AKAP9: variants seen among roughly 807,000 people sequenced by gnomAD.
The protein encoded by AKAP9 is A-kinase anchor protein 9.
Under a neutral mutation model 488.5 loss-of-function variants are expected in AKAP9, and 311 were observed. The ratio of observed to expected loss-of-function variants is 0.64; its 90% CI spans 0.58 to 0.70. The LOEUF (loss-of-function observed/expected upper bound fraction) is 0.70. Among genes scored for constraint, AKAP9 ranks in the 30% least tolerant of loss-of-function variants. AKAP9 has a pLI of 0.00. For synonymous variants in AKAP9, 1,462 were observed against 1,483.5 expected, an observed-to-expected ratio of 0.99 and a Z score of 0.33; for missense variants, 4,215 against 4,374.5, an observed-to-expected ratio of 0.96 and a Z score of 1.03.
chr7:91,941,237 C>T lies in AKAP9; in HGVS notation c.48+90C>T, dbSNP rs1790711673. 5 of 1,279,548 alleles carry T rather than the reference C, an allele frequency of 3.9e-6. No individual in the cohort carries two copies. In the South Asian group the frequency reaches 6.0e-5, roughly 15 times the overall value. The allele number at this position is 1,279,548 out of a possible 1,614,324, so 79.3% of individuals were successfully genotyped here. A position where few individuals can be genotyped will look rare whatever the true frequency, so the allele number is the denominator to read the frequency against. ...GCCTGGGAAGCGGAGTTCGCCGCAG[C>T]CCCAGTGCACTGCCCGAGAGGGAGG... On this transcript the variant is annotated intron_variant, in intron 1 of 49. Coordinates refer to ENST00000356239, the MANE Select transcript of AKAP9 (RefSeq NM_005751.5).
intron 39 of AKAP9, 122 bp from the exon 40 acceptor site, chr7:92,094,901 A>G: frequency 1.3e-6 from 1 of 769,422 alleles, no homozygotes; most frequent in Non-Finnish European, 2.2e-6. Context: ...TTAATAGTTT[A>G]TATTTTCCTC....
intron 9 of AKAP9, 115 bp downstream of exon 9, chr7:92,012,757 C>CAGTT (rs1800924928): frequency 1.2e-6 from 1 of 846,598 alleles, no homozygotes; most frequent in Non-Finnish European, 1.9e-6. Context: ...ATTTGTTTAC[C>CAGTT]AGTTGTTGAT....
rs1355979670 is a variant in AKAP9, at chr7:91,992,158, G to T, written c.352G>T (p.Val118Leu). 6.2e-7 allele frequency: 1 copy of T among 1,606,972 alleles called. No individual in the cohort carries two copies. Among genetic ancestry groups the T allele is most frequent in the South Asian group, 1.1e-5 (1 of 90,916 alleles). ...STTADDCSSE[V>L]NGCSFVMRTG... ...ATATCAGGAAATTGTTTTTATACAG[G>T]TAAATGGTTGCAGTTTTGTGATGAG... Residue 118 changes from valine to leucine, a missense_variant and splice_region_variant, in exon 4 of 50, where the codon GTA becomes TTA. Around this residue, in one of 5 missense-constraint regions of AKAP9, gnomAD observed 2,361 missense variants for 2,430.0 expected, o/e 0.97. Coordinates refer to ENST00000356239, the MANE Select transcript of AKAP9 (RefSeq NM_005751.5).
chr7:92,068,056 G>C (rs371812306), intron 26 of AKAP9, among the ~76,000 whole-genome samples: 2 of 151,972 alleles, frequency 1.3e-5, no homozygotes, highest in Non-Finnish European at 2.9e-5. Flanking sequence ...TACTAGAGTA[G>C]TACAAAAGTT....
chr7:92,057,835 CTTAATTATGCTAGT>C, intron 22 of AKAP9: 2 of 225,716 alleles, frequency 8.9e-6, no homozygotes, highest in Non-Finnish European at 1.8e-5. Flanking sequence ...TCTTCAAGGA[CTTAATTATGCTAGT>C]TTAAAAGGTG....
rs763247535 is a variant in AKAP9, at chr7:92,001,281, A to G, written c.1364A>G (p.Gln455Arg). 6.2e-7 allele frequency: 1 copy of G among 1,614,002 alleles called. No homozygotes were observed. Among genetic ancestry groups the G allele is most frequent in the Admixed American group, 1.7e-5 (1 of 60,010 alleles). The change falls in exon 8 of 50, where the codon CAA becomes CGA. Residue 455 changes from glutamine to arginine, a missense_variant. Around this residue, in one of 5 missense-constraint regions of AKAP9, gnomAD observed 2,361 missense variants for 2,430.0 expected, o/e 0.97. Coordinates refer to ENST00000356239, the MANE Select transcript of AKAP9 (RefSeq NM_005751.5). ...IVQMKQELIR[Q>R]HMAQMEEMKT... ...CAAATGAAACAAGAATTAATAAGAC[A>G]ACACATGGCACAGATGGAGGAAATG...
chr7:92,038,424 T>G lies in AKAP9; in HGVS notation c.4344T>G (p.Ile1448Met). 1 of 1,609,612 alleles carries G rather than the reference T, an allele frequency of 6.2e-7. No individual in the cohort carries two copies. The highest frequency in any genetic ancestry group is 8.5e-7 in the Non-Finnish European group (1 of 1,176,080). The change falls in exon 17 of 50, where the codon ATT becomes ATG. Residue 1448 changes from isoleucine to methionine, a missense_variant. Around this residue, in one of 5 missense-constraint regions of AKAP9, gnomAD observed 2,361 missense variants for 2,430.0 expected, o/e 0.97. Coordinates refer to ENST00000356239, the MANE Select transcript of AKAP9 (RefSeq NM_005751.5). ...EQLEEEVAKV[I>M]VSMSIAFAQQ... ...GTTTGCTTTTATTTCTTTAGGTTAT[T>G]GTGTCAATGAGTATAGCATTTGCTC...
chr7:92,072,496 T>C (rs1020240353), intron 28 of AKAP9, among the ~76,000 whole-genome samples: 1 of 152,196 alleles, frequency 6.6e-6, no homozygotes, highest in Non-Finnish European at 1.5e-5. Context: ...ACTAGGCAAA[T>C]GCTTTCAGAT....
intron 12 of AKAP9, 100 bp downstream of exon 12, chr7:92,017,202 A>AC: frequency 1.1e-6 from 1 of 921,834 alleles, no homozygotes; most frequent in Non-Finnish European, 1.7e-6. Flanking sequence ...AAGTAAGAGA[A>AC]CATGAAAAAG....
intron 46 of AKAP9, among the ~76,000 whole-genome samples, chr7:92,103,777 G>T (rs994139629): frequency 5.9e-5 from 9 of 151,986 alleles, no homozygotes; most frequent in African/African-American, 2.2e-4. Flanking sequence ...TTAAAAATGT[G>T]GTTGACAAAT....
At position 92,043,324 on chromosome 7, in the gene AKAP9, T is replaced by C. The variant is rs898751862; in HGVS notation, c.5162+553T>C. ...GGCCCCTAAGATTTTGGCTTCCCCA[T>C]TGGATCATCAGTATGGAACGCAGTC... On this transcript the variant is annotated intron_variant, in intron 20 of 49. Transcript: ENST00000356239. 5.1e-6 allele frequency: 5 copies of C among 985,010 alleles called. No homozygotes were observed. The African/African-American group carries it at 8.7e-5, about 17-fold the overall frequency. 61.0% of individuals were successfully genotyped at this position (985,010 alleles called of 1,614,324 possible).
At chr7:91,964,712 C>T (rs955222045) in intron 1 of AKAP9, among the ~76,000 whole-genome samples, 1 of 152,130 alleles carries the variant, frequency 6.6e-6, no homozygotes, top group Non-Finnish European at 1.5e-5. Flanking sequence ...GTTTGATACT[C>T]ATATATCTTT....
intron 9 of AKAP9, among the ~76,000 whole-genome samples, chr7:92,013,286 C>T (rs895251249): frequency 2.6e-5 from 4 of 151,776 alleles, no homozygotes; most frequent in South Asian, 2.1e-4. Flanking sequence ...CCACCGCGCC[C>T]GGCCGGGGTT....
At position 91,992,053 on chromosome 7, in the gene AKAP9, C is replaced by T. The variant is rs1797822729; in HGVS notation, c.352-105C>T. ...CTGTTTTCGCCAATGATGCATTTTC[C>T]CTAGGAATAAAAGACATACACGTGA... On this transcript the variant is annotated intron_variant, in intron 3 of 49. Coordinates refer to ENST00000356239, the MANE Select transcript of AKAP9 (RefSeq NM_005751.5). The T allele has an allele frequency of 6.4e-6, 6 of 934,108 alleles. No individual in the cohort carries two copies. The East Asian group carries it at 1.5e-4, about 23-fold the overall frequency. The allele number at this position is 934,108 out of a possible 1,614,324, so 57.9% of individuals were successfully genotyped here. A position where few individuals can be genotyped will look rare whatever the true frequency, so the allele number is the denominator to read the frequency against.
At chr7:92,102,170 AAAATAAATAAAT>A (rs1554469466) in intron 45 of AKAP9, among the ~76,000 whole-genome samples, 6 of 135,040 alleles carry the variant, frequency 4.4e-5, no homozygotes, top group South Asian at 4.7e-4. Context: ...ATTTAAAAAA[AAAATAAATAAAT>A]AAATAAATAA....
At chr7:92,064,487 T>C (rs532549400) in intron 24 of AKAP9, among the ~76,000 whole-genome samples, 2 of 152,158 alleles carry the variant, frequency 1.3e-5, no homozygotes, top group Admixed American at 6.6e-5. Flanking sequence ...AAAATAACTC[T>C]AAGAGATCAG....
chr7:92,041,917 C>A, intron 18 of AKAP9, 129 bp from the exon 19 acceptor site: 2 of 964,284 alleles, frequency 2.1e-6, no homozygotes, highest in South Asian at 1.5e-5. Context: ...TAACCCCTTA[C>A]GATGGAATAT....
At chr7:91,975,814 G>A (rs898523289) in intron 2 of AKAP9, among the ~76,000 whole-genome samples, 1 of 151,482 alleles carries the variant, frequency 6.6e-6, no homozygotes, top group Non-Finnish European at 1.5e-5. Flanking sequence ...GATTGAGGAG[G>A]TTCCCTTTTA....
chr7:92,009,916 G>A (rs928830232), intron 8 of AKAP9, among the ~76,000 whole-genome samples: 5 of 152,246 alleles, frequency 3.3e-5, no homozygotes, highest in Middle Eastern at 3.4e-3. Flanking sequence ...GTCTTGCTCT[G>A]TCACCCAGGC....
Sources: allele counts gnomAD v4.1 joint callset (sites outside exome capture counted in the v4.1 genomes callset), GRCh38; gene constraint gnomAD v4.1.1; regional missense constraint gnomAD v4.1.1; transcripts MANE v1.5; gene names NCBI Gene and HGNC (gene_info 2026-07-23, HGNC 2026-07-21).